The following XNDC1N variants were observed in gnomAD, a reference collection of about 807,000 sequenced individuals.
The protein encoded by XNDC1N is XRCC1 N-terminal domain containing 1, N-terminal like, also known as protein XNDC1N.
chr11:71,893,484 A>G, the XNDC1N span: 1 of 748,034 alleles, frequency 1.3e-6, no homozygotes, highest in Non-Finnish European at 2.5e-6. Flanking sequence ...GGAATCTCAC[A>G]AGTGTCTGAG....
the XNDC1N span, among the ~76,000 whole-genome samples, chr11:71,907,375 G>C: frequency 3.3e-5 from 5 of 151,594 alleles, no homozygotes; most frequent in East Asian, 3.9e-4. Flanking sequence ...CGGGGAGTAA[G>C]AGCCAGCCCC....
At chr11:71,899,576 T>C in the XNDC1N span, among the ~76,000 whole-genome samples, 1 of 152,236 alleles carries the variant, frequency 6.6e-6, no homozygotes, top group Non-Finnish European at 1.5e-5. Flanking sequence ...GATCTAGGGC[T>C]GCGCAGGACG....
the XNDC1N span, among the ~76,000 whole-genome samples, chr11:71,925,003 CT>C: frequency 1.3e-5 from 2 of 151,920 alleles, no homozygotes; most frequent in African/African-American, 2.4e-5. Context: ...CCCACCAAAA[CT>C]TTTTTTCCCT....
chr11:71,903,241 C>G, the XNDC1N span: 2 of 989,146 alleles, frequency 2.0e-6, no homozygotes, highest in East Asian at 4.8e-5. Context: ...TCCTCGAACT[C>G]TCAGAGGATC....
chr11:71,874,164 C>T, the XNDC1N span, among the ~76,000 whole-genome samples: 1 of 152,062 alleles, frequency 6.6e-6, no homozygotes, highest in African/African-American at 2.4e-5. Context: ...AAAAGAAATA[C>T]AAAAATTAGC....
chr11:71,894,267 A>AC, the XNDC1N span: 1 of 391,026 alleles, frequency 2.6e-6, no homozygotes. Flanking sequence ...CTCTGTCACC[A>AC]CCCCCCAGGA....
At chr11:71,896,021 T>G in the XNDC1N span, among the ~76,000 whole-genome samples, 1 of 152,194 alleles carries the variant, frequency 6.6e-6, no homozygotes, top group Non-Finnish European at 1.5e-5. Flanking sequence ...CTCAGGCCTG[T>G]AATCCCAGCA....
chr11:71,881,262 G>A, the XNDC1N span, among the ~76,000 whole-genome samples: 45 of 152,100 alleles, frequency 3.0e-4, no homozygotes, highest in East Asian at 7.9e-3. Context: ...ATCATTATAT[G>A]ATGGCCTTCT....
chr11:71,917,213 C>T, the XNDC1N span: 2 of 554,334 alleles, frequency 3.6e-6, no homozygotes, highest in South Asian at 4.4e-5. Flanking sequence ...GGGATTTCAC[C>T]ATGCTGGCCA....
At chr11:71,919,482 G>A in the XNDC1N span, among the ~76,000 whole-genome samples, 34 of 150,930 alleles carry the variant, frequency 2.3e-4, no homozygotes, top group Non-Finnish European at 4.4e-4. Context: ...TCCGCCTCCC[G>A]AATTTAAGCA....
the XNDC1N span, among the ~76,000 whole-genome samples, chr11:71,892,766 C>T: frequency 2.0e-5 from 3 of 152,106 alleles, no homozygotes. Flanking sequence ...GGTGATCCAT[C>T]AGCCTCGGCC....
At chr11:71,921,811 T>G in the XNDC1N span, among the ~76,000 whole-genome samples, 1 of 152,028 alleles carries the variant, frequency 6.6e-6, no homozygotes, top group Non-Finnish European at 1.5e-5. Context: ...AAGAGTACAG[T>G]GGAAAACACG....
the XNDC1N span, among the ~76,000 whole-genome samples, chr11:71,879,142 G>T: frequency 6.6e-6 from 1 of 152,334 alleles, no homozygotes; most frequent in South Asian, 2.1e-4. Context: ...GGCTAGAGGT[G>T]AAGAGGTGGA....
chr11:71,879,092 A>G, the XNDC1N span, among the ~76,000 whole-genome samples: 227 of 152,318 alleles, frequency 1.5e-3, no homozygotes, highest in Middle Eastern at 6.8e-3. Context: ...GGAAATTTAA[A>G]GAATTGGAAA....
At chr11:71,901,054 G>A in the XNDC1N span, among the ~76,000 whole-genome samples, 1 of 152,166 alleles carries the variant, frequency 6.6e-6, no homozygotes, top group Non-Finnish European at 1.5e-5. Context: ...AGACCAGTGG[G>A]TGCCACAATC....
the XNDC1N span, among the ~76,000 whole-genome samples, chr11:71,872,140 T>A: frequency 6.6e-6 from 1 of 152,170 alleles, no homozygotes; most frequent in East Asian, 1.9e-4. Flanking sequence ...CACAACATTA[T>A]GCTGCAAGAA....
the XNDC1N span, chr11:71,923,345 A>T: frequency 4.3e-6 from 3 of 702,900 alleles, no homozygotes; most frequent in Non-Finnish European, 7.8e-6. Flanking sequence ...TGATCTTCAC[A>T]GGAGCCATGG....
At chr11:71,903,265 G>C in the XNDC1N span, 2 of 1,202,636 alleles carry the variant, frequency 1.7e-6, no homozygotes, top group African/African-American at 1.5e-5. Context: ...AACTGCAGCC[G>C]GTCGTCGCTG....
At chr11:71,901,467 C>T in the XNDC1N span, among the ~76,000 whole-genome samples, 1 of 151,850 alleles carries the variant, frequency 6.6e-6, no homozygotes, top group East Asian at 1.9e-4. Flanking sequence ...GCCGTAGTGG[C>T]GGGCGACTGT....
Sources: allele counts gnomAD v4.1 joint callset (sites outside exome capture counted in the v4.1 genomes callset), GRCh38; gene constraint gnomAD v4.1.1; transcripts MANE v1.5; gene names NCBI Gene and HGNC (gene_info 2026-07-23, HGNC 2026-07-21).